Variants in FANCA observed in about 807,000 individuals in gnomAD.
FANCA encodes Fanconi anemia group A protein.
Under a neutral mutation model 194.3 loss-of-function variants are expected in FANCA, and 236 were observed. The ratio of observed to expected loss-of-function variants is 1.21; its 90% confidence interval spans 1.09 to 1.35. FANCA has a LOEUF of 1.35. FANCA is among the 40% of genes most tolerant of loss of function. The probability of loss-of-function intolerance (pLI) is 0.00; values close to 1 mark genes in which losing one functional copy is unlikely to be tolerated. For synonymous variants in FANCA, 1,014 were observed against 715.8 expected (o/e 1.42, Z -6.65); for missense variants, 2,628 against 1,813.9 (o/e 1.45, Z -8.15).
chr16:89,808,435 A>G, intron 5 of FANCA, 68 bp from the exon 6 acceptor site: 1 of 1,496,870 alleles, frequency 6.7e-7, no homozygotes, highest in Non-Finnish European at 9.3e-7. Flanking sequence ...GTCCTTTATG[A>G]ATGCATTTTC....
intron 10 of FANCA, among the ~76,000 whole-genome samples, chr16:89,797,642 C>A (rs1260842220): frequency 1.3e-5 from 2 of 152,154 alleles, no homozygotes; most frequent in Non-Finnish European, 2.9e-5. Flanking sequence ...CTTTGGGAGG[C>A]TGAGGTGGGT....
At chr16:89,751,416 G>C (rs1598079797) in intron 31 of FANCA, among the ~76,000 whole-genome samples, 1 of 152,162 alleles carries the variant, frequency 6.6e-6, no homozygotes, top group Non-Finnish European at 1.5e-5. Context: ...AGGCTGCAGA[G>C]AGATATGATC....
At chr16:89,755,110 G>C (rs1256954716) in intron 30 of FANCA, among the ~76,000 whole-genome samples, 1 of 152,178 alleles carries the variant, frequency 6.6e-6, no homozygotes, top group African/African-American at 2.4e-5. Flanking sequence ...TGACAAGGGT[G>C]CCAAGACCAT....
At chr16:89,795,782 G>C (rs1473318037) in intron 11 of FANCA, 124 bp downstream of exon 11, 1 of 745,414 alleles carries the variant, frequency 1.3e-6, no homozygotes. Context: ...CCAGTCTCTG[G>C]TTCAAGACAG....
intron 38 of FANCA, 48 bp downstream of exon 38, chr16:89,740,756 C>G: frequency 1.9e-6 from 3 of 1,562,500 alleles, no homozygotes; most frequent in Non-Finnish European, 2.6e-6. Flanking sequence ...GTGCCCCTGC[C>G]TGGCCCACAG....
At chr16:89,754,524 C>T (rs967764248) in intron 30 of FANCA, among the ~76,000 whole-genome samples, 9 of 152,026 alleles carry the variant, frequency 5.9e-5, no homozygotes, top group African/African-American at 9.7e-5. Flanking sequence ...GAGCCCACCA[C>T]GATGCCCGGC....
At chr16:89,796,711 C>T (rs952519345) in intron 10 of FANCA, among the ~76,000 whole-genome samples, 2 of 152,122 alleles carry the variant, frequency 1.3e-5, no homozygotes, top group Non-Finnish European at 1.5e-5. Context: ...CACTTTATGC[C>T]GATTCCCCAG....
At chr16:89,784,138 G>A (rs1310196714) in intron 15 of FANCA, among the ~76,000 whole-genome samples, 1 of 152,032 alleles carries the variant, frequency 6.6e-6, no homozygotes, top group Non-Finnish European at 1.5e-5. Context: ...GGCCAAGGCG[G>A]AAGGATCACT....
At chr16:89,750,615 A>G (rs906391118) in intron 31 of FANCA, among the ~76,000 whole-genome samples, 7 of 151,678 alleles carry the variant, frequency 4.6e-5, no homozygotes, top group African/African-American at 1.7e-4. Flanking sequence ...AAAATTAGCC[A>G]TACAAAAATT....
intron 6 of FANCA, among the ~76,000 whole-genome samples, chr16:89,807,641 T>C (rs769438611): frequency 6.6e-6 from 1 of 151,856 alleles, no homozygotes; most frequent in Non-Finnish European, 1.5e-5. Context: ...TCCCAGCGCT[T>C]TGGGAGGCAG....
At chr16:89,797,754 G>T (rs749501431) in intron 10 of FANCA, among the ~76,000 whole-genome samples, 1 of 152,126 alleles carries the variant, frequency 6.6e-6, no homozygotes, top group African/African-American at 2.4e-5. Context: ...CTTGTGCCAG[G>T]TGTGGTGGTG....
chr16:89,800,959 GT>G (rs2040427620), intron 8 of FANCA, among the ~76,000 whole-genome samples: 1 of 151,368 alleles, frequency 6.6e-6, no homozygotes, highest in South Asian at 2.1e-4. Context: ...CTTGAACCCG[GT>G]AGGCGGAGCT....
Position 89,740,837 on chromosome 16 carries a change from C to A in FANCA, c.3795G>T (p.Leu1265Phe), listed in dbSNP as rs1010989878. The A allele has an allele frequency of 1.9e-6, 3 of 1,613,404 alleles. No individual in the cohort carries two copies. Among genetic ancestry groups the A allele is most frequent in the Admixed American group, 1.7e-5 (1 of 59,920 alleles). ...ELLVFLFFFS[L>F]MGLLSSHLTS... ...TCAGATGTGACGACAGCAGGCCCAT[C>A]AAGGAGAAGAAGAAAAGGAAAACCA... The change falls in exon 38 of 43, where the codon TTG becomes TTT. Residue 1265 changes from leucine to phenylalanine, a missense_variant. By Grantham distance (22) the Leu-to-Phe change is conservative. Transcript: ENST00000389301.
At position 89,815,811 on chromosome 16, in the gene FANCA, G is replaced by T. The variant is rs576949320; in HGVS notation, c.189+66C>A. 4.9e-6 allele frequency: 6 copies of T among 1,230,684 alleles called. No individual in the cohort carries two copies. In the African/African-American group the frequency reaches 8.9e-5, roughly 18 times the overall value. The allele number at this position is 1,230,684 out of a possible 1,614,324, so 76.2% of individuals were successfully genotyped here. On this transcript the variant is annotated intron_variant, in intron 2 of 42. Coordinates refer to ENST00000389301, the MANE Select transcript of FANCA (RefSeq NM_000135.4). Reference sequence around the variant, plus strand: ...TCGGGTGTTTTCTTAGGAAAGCTGTGCGGTGGCTGGACTCAAAAACCCCGA... The same window carrying T: ...TCGGGTGTTTTCTTAGGAAAGCTGTTCGGTGGCTGGACTCAAAAACCCCGA...
chr16:89,796,498 A>C (rs12924101), intron 10 of FANCA, among the ~76,000 whole-genome samples: 16,796 of 152,208 alleles, frequency 0.11, 1,197 homozygotes, highest in Non-Finnish European at 0.16. Context: ...GTCCATGAAG[A>C]TGAGGAAGGA....
intron 6 of FANCA, among the ~76,000 whole-genome samples, chr16:89,807,312 C>T (rs917038194): frequency 2.0e-5 from 3 of 151,236 alleles, no homozygotes; most frequent in Admixed American, 1.3e-4. Context: ...CAAAAATTAG[C>T]CGGGTGTGGT....
intron 21 of FANCA, among the ~76,000 whole-genome samples, chr16:89,775,171 T>G (rs1409510572): frequency 6.6e-6 from 1 of 151,618 alleles, no homozygotes; most frequent in African/African-American, 2.4e-5. Context: ...AGATGCTGGC[T>G]TCTACTGGAG....
chr16:89,789,637 C>T (rs1346299744), intron 14 of FANCA, among the ~76,000 whole-genome samples: 2 of 151,952 alleles, frequency 1.3e-5, no homozygotes, highest in Non-Finnish European at 2.9e-5. Context: ...CGGGGTCTCA[C>T]TGTGCTGCCC....
intron 27 of FANCA, among the ~76,000 whole-genome samples, chr16:89,766,424 C>T (rs529048423): frequency 6.6e-6 from 1 of 152,026 alleles, no homozygotes; most frequent in Non-Finnish European, 1.5e-5. Context: ...ATTCCTTTGT[C>T]TGGGCCGGGC....
Sources: allele counts gnomAD v4.1 joint callset (sites outside exome capture counted in the v4.1 genomes callset), GRCh38; gene constraint gnomAD v4.1.1; transcripts MANE v1.5; gene names NCBI Gene and HGNC (gene_info 2026-07-23, HGNC 2026-07-21).